The following ALG12 variants were observed in gnomAD, a reference collection of about 807,000 sequenced individuals.
ALG12 encodes the protein dol-P-Man:Man(7)GlcNAc(2)-PP-Dol alpha-1,6-mannosyltransferase.
ALG12 carries 36 observed loss-of-function variants against 46.0 expected under a neutral mutation model. The observed-to-expected ratio is 0.78, with a 90% confidence interval of 0.60 to 1.03. ALG12 has a LOEUF of 1.03. Ranked by LOEUF, ALG12 falls within the 50% of genes least tolerant of loss-of-function variation. ALG12 has a pLI of 0.00. For missense variants in ALG12, 599 were observed against 633.5 expected (o/e 0.95, Z 0.58); for synonymous variants, 326 against 291.6 (o/e 1.12, Z -1.20).
the ALG12 span, among the ~76,000 whole-genome samples, chr22:49,870,561 A>C: frequency 6.6e-6 from 1 of 151,804 alleles, no homozygotes; most frequent in Non-Finnish European, 1.5e-5. Context: ...TTTGATTTGC[A>C]CTTCTCTGAT....
At chr22:49,885,422 G>A in the ALG12 span, 1 of 1,608,822 alleles carries the variant, frequency 6.2e-7, no homozygotes, top group Non-Finnish European at 8.5e-7. Context: ...CGGACCATCA[G>A]CCGGGGGAAG....
intron 1 of ALG12, among the ~76,000 whole-genome samples, chr22:49,914,548 G>A (rs984423203): frequency 3.3e-5 from 5 of 152,218 alleles, no homozygotes; most frequent in Admixed American, 3.3e-4. Flanking sequence ...GGGGCCCGTG[G>A]CACGGAGCTT....
chr22:49,904,066 C>T lies in ALG12; in HGVS notation c.1239G>A (p.Arg413=). 1 of 1,614,144 alleles carries T rather than the reference C, an allele frequency of 6.2e-7. No individual in the cohort carries two copies. The highest frequency in any genetic ancestry group is 1.1e-5 in the South Asian group (1 of 91,082). Residue 413 remains arginine, a splice_region_variant and synonymous_variant, in exon 10 of 10, where the codon AGG becomes AGA. Coordinates refer to ENST00000330817, the MANE Select transcript of ALG12 (RefSeq NM_024105.4). ...GCTGCACATCCTCCCTCTTGTCGTA[C>T]CTGTGGGATGAGAGCTGGTGGTCCT... ...SRFLQVNSAW[R]YDKREDVQPG...
At chr22:49,884,509 G>A in the ALG12 span, 1 of 1,614,148 alleles carries the variant, frequency 6.2e-7, no homozygotes, top group East Asian at 2.2e-5. Context: ...GAGCACCTCT[G>A]GGTCCAGGAG....
chr22:49,863,364 C>T, the ALG12 span, among the ~76,000 whole-genome samples: 2 of 152,344 alleles, frequency 1.3e-5, no homozygotes, highest in South Asian at 2.1e-4. Context: ...TGTGGTGGCT[C>T]ACGCCTGTAA....
rs1453057086 is a variant in ALG12 at position 49,907,874 on chromosome 22, G to A, written c.839C>T (p.Pro280Leu). The stretch of plus-strand genomic sequence containing the variant: ...CGTCCTTCTGTCTACCAAGCCCAGG[G>A]GGATGAAGAGCAGGCTGCAGCCCAG... ...RGLGCSLLFI[P>L]LGLVDRRTHA... Residue 280 changes from proline to leucine, a missense_variant, in exon 7 of 10, where the codon CCC (proline) becomes CTC (leucine). By Grantham distance (98) the Pro-to-Leu change is moderately conservative. Transcript: ENST00000330817. The A allele has an allele frequency of 1.9e-6, 3 of 1,613,946 alleles. No individual in the cohort carries two copies. Among genetic ancestry groups the A allele is most frequent in the Non-Finnish European group, 2.5e-6 (3 of 1,180,042 alleles).
At position 49,902,594 on chromosome 22, in the gene ALG12, T is replaced by C. The variant is rs2060518493; in HGVS notation, c.*1244A>G. 1 of 143,408 alleles carries C rather than the reference T, an allele frequency of 7.0e-6. No homozygotes were observed. The allele number at this position is 143,408 out of a possible 1,614,324, so 8.9% of individuals were successfully genotyped here. On this transcript the variant is annotated 3_prime_UTR_variant, in exon 10 of 10. Coordinates refer to ENST00000330817, the MANE Select transcript of ALG12 (RefSeq NM_024105.4). ...ACGTGTGCACTGTGTGTGGTGTGTA[T>C]GCATGGTGTGTGCACGTGTGCACTG... is the stretch of plus-strand genomic sequence containing the variant.
the ALG12 span, among the ~76,000 whole-genome samples, chr22:49,877,840 GC>G: frequency 2.6e-5 from 4 of 152,058 alleles, no homozygotes; most frequent in Non-Finnish European, 5.9e-5. Context: ...GCACAGACCT[GC>G]CCTTTGGCCT....
chr22:49,871,270 C>T, the ALG12 span, among the ~76,000 whole-genome samples: 21 of 129,374 alleles, frequency 1.6e-4, no homozygotes, highest in Non-Finnish European at 3.0e-4. Flanking sequence ...AGGTGGATCA[C>T]GAGGTCAGGA....
At chr22:49,909,147 AGAAG>A in intron 6 of ALG12, 93 bp downstream of exon 6, 2 of 1,261,452 alleles carry the variant, frequency 1.6e-6, no homozygotes, top group Non-Finnish European at 2.3e-6. Flanking sequence ...CACGCTGCAG[AGAAG>A]GGAGAAGCAG....
chr22:49,903,651 G>A lies in ALG12; in HGVS notation c.*187C>T. The A allele has an allele frequency of 1.3e-6, 1 of 754,876 alleles. No homozygotes were observed. The allele number at this position is 754,876 out of a possible 1,614,324, so 46.8% of individuals were successfully genotyped here. A position where few individuals can be genotyped will look rare whatever the true frequency, so the allele number is the denominator to read the frequency against. On this transcript the variant is annotated 3_prime_UTR_variant, in exon 10 of 10. Coordinates refer to ENST00000330817, the MANE Select transcript of ALG12 (RefSeq NM_024105.4). ...CAAGACCTGGGCCCCTCGTTCTTTG[G>A]TGCTGAGAGCCCCAGCTGAGGCTGT...
Position 49,906,963 on chromosome 22 carries a change from G to A in ALG12, c.992+758C>T, listed in dbSNP as rs2060545557. 6.6e-6 allele frequency among the ~76,000 whole-genome samples: 1 copy of A among 152,078 alleles called. No individual in the cohort carries two copies. Among genetic ancestry groups the A allele is most frequent in the African/African-American group, 2.4e-5 (1 of 41,408 alleles). ...GACCACCCCACCCTCAGCCCAGGCA[G>A]TGCCCTCCCCAGGCCCTGCCAGGCC... On this transcript the variant is annotated intron_variant, in intron 7 of 9. Coordinates refer to ENST00000330817, the MANE Select transcript of ALG12 (RefSeq NM_024105.4). The surrounding 1 kb of genome is among the most constrained non-coding windows in gnomAD (Gnocchi z 4.4).
At position 49,901,635 on chromosome 22, in the gene ALG12, GGT is replaced by G. The variant is rs1222713880; in HGVS notation, c.*2201_*2202del. The G allele has an allele frequency of 8.1e-6, 1 of 123,532 alleles. No individual in the cohort carries two copies. The highest frequency in any genetic ancestry group is 1.5e-5 in the Non-Finnish European group (1 of 65,650). The allele number at this position is 123,532 out of a possible 1,614,324, so 7.7% of individuals were successfully genotyped here. ...GTGTGCATGCGTGGTGGGTATGTAT[GGT>G]GTGTGCACGTGTGATCATGCATGTA... On this transcript the variant is annotated 3_prime_UTR_variant, in exon 10 of 10. Coordinates refer to ENST00000330817, the MANE Select transcript of ALG12 (RefSeq NM_024105.4).
the ALG12 span, chr22:49,884,842 A>G: frequency 3.7e-6 from 6 of 1,610,568 alleles, no homozygotes; most frequent in South Asian, 1.1e-5. Flanking sequence ...TGACAGGCTG[A>G]CTGAGGACTT....
chr22:49,865,266 T>C, the ALG12 span, among the ~76,000 whole-genome samples: 139,808 of 152,032 alleles, frequency 0.92, 64,361 homozygotes, highest in African/African-American at 0.98. Flanking sequence ...AGTAAACAGA[T>C]GGTGTCGTTA....
At chr22:49,867,957 A>G in the ALG12 span, among the ~76,000 whole-genome samples, 2 of 152,194 alleles carry the variant, frequency 1.3e-5, no homozygotes, top group African/African-American at 4.8e-5. Context: ...TATCTCATGT[A>G]AGAGTGTCAC....
At chr22:49,884,526 C>T in the ALG12 span, 44 of 1,613,968 alleles carry the variant, frequency 2.7e-5, no homozygotes, top group Middle Eastern at 3.3e-4. Flanking sequence ...GGAGAAGGTC[C>T]GCTGTCTGGA....
chr22:49,914,345 C>T (rs753927990), intron 1 of ALG12, among the ~76,000 whole-genome samples: 20 of 152,210 alleles, frequency 1.3e-4, no homozygotes, highest in Non-Finnish European at 2.1e-4. Context: ...ACACAGGGCT[C>T]GAGTGGCCAG....
the ALG12 span, among the ~76,000 whole-genome samples, chr22:49,894,397 T>A: frequency 6.6e-6 from 1 of 152,210 alleles, no homozygotes; most frequent in East Asian, 1.9e-4. Flanking sequence ...TCCAATTAAG[T>A]GTGTTAGATT....
Sources: allele counts gnomAD v4.1 joint callset (sites outside exome capture counted in the v4.1 genomes callset), GRCh38; gene constraint gnomAD v4.1.1; non-coding constraint Gnocchi (gnomAD v3.1); transcripts MANE v1.5; gene names NCBI Gene and HGNC (gene_info 2026-07-23, HGNC 2026-07-21).